SLC2A12: variants seen among roughly 807,000 people sequenced by gnomAD.
SLC2A12 encodes the protein solute carrier family 2, facilitated glucose transporter member 12.
In SLC2A12, 23 loss-of-function variants were observed where a neutral mutation model predicts 41.8. That is an observed-to-expected ratio of 0.55 (90% CI 0.40 to 0.78). The LOEUF is 0.78. Ranked by LOEUF, SLC2A12 falls within the 30% of genes least tolerant of loss-of-function variation. The pLI is 0.00. For missense variants in SLC2A12, 654 were observed against 745.6 expected, an observed-to-expected ratio of 0.88 and a Z score of 1.43; for synonymous variants, 295 against 285.9, an observed-to-expected ratio of 1.03 and a Z score of -0.32.
At chr6:134,034,481 C>T (rs1777265463) in intron 1 of SLC2A12, among the ~76,000 whole-genome samples, 1 of 152,174 alleles carries the variant, frequency 6.6e-6, no homozygotes, top group Non-Finnish European at 1.5e-5. Context: ...GATTGTGACT[C>T]TGATACTTCA....
At chr6:134,016,136 T>C (rs1776958837) in intron 2 of SLC2A12, among the ~76,000 whole-genome samples, 1 of 152,156 alleles carries the variant, frequency 6.6e-6, no homozygotes, top group African/African-American at 2.4e-5. Flanking sequence ...CTCTAGGCTG[T>C]CTTTCCAAGG....
intron 3 of SLC2A12, among the ~76,000 whole-genome samples, chr6:134,004,242 C>T (rs1047041872): frequency 3.3e-5 from 5 of 151,988 alleles, no homozygotes; most frequent in South Asian, 2.1e-4. Context: ...GTGTTGAGTA[C>T]GTGTGTGCAC....
chr6:134,031,098 A>G lies in SLC2A12; in HGVS notation c.104-1377T>C, dbSNP rs1373425943. Reference sequence around the variant, plus strand: ...ACTTATTTTGGAGCTAAAAACCACTACACTTGTTCAGGGCTGGATGTGGTG... The same window carrying G: ...ACTTATTTTGGAGCTAAAAACCACTGCACTTGTTCAGGGCTGGATGTGGTG... On this transcript the variant is annotated intron_variant, in intron 1 of 4. Transcript: ENST00000275230. 6.6e-5 allele frequency among the ~76,000 whole-genome samples: 10 copies of G among 152,154 alleles called. No individual in the cohort carries two copies. In the East Asian group the frequency reaches 1.7e-3, roughly 26 times the overall value.
chr6:134,008,135 G>A (rs1226153954), intron 2 of SLC2A12, among the ~76,000 whole-genome samples: 1 of 152,164 alleles, frequency 6.6e-6, no homozygotes, highest in Admixed American at 6.5e-5. Context: ...CCAGAAGAGG[G>A]GATGGGAAGA....
At chr6:134,030,128 A>G (rs1777183202) in intron 1 of SLC2A12, among the ~76,000 whole-genome samples, 1 of 152,194 alleles carries the variant, frequency 6.6e-6, no homozygotes, top group African/African-American at 2.4e-5. Flanking sequence ...CTCTAAAGGC[A>G]AATCTTTGAG....
chr6:134,042,123 A>G (rs1042763929), intron 1 of SLC2A12, among the ~76,000 whole-genome samples: 10 of 152,246 alleles, frequency 6.6e-5, no homozygotes, highest in African/African-American at 2.4e-4. Context: ...CTCTCACTCT[A>G]TATTTTCTAA....
intron 2 of SLC2A12, among the ~76,000 whole-genome samples, chr6:134,011,276 G>A (rs1426617057): frequency 1.3e-5 from 2 of 152,158 alleles, no homozygotes; most frequent in Non-Finnish European, 2.9e-5. Flanking sequence ...CCAAGCAGAT[G>A]TTTAAATTCT....
intron 1 of SLC2A12, among the ~76,000 whole-genome samples, chr6:134,037,772 T>G (rs1777324147): frequency 6.6e-6 from 1 of 152,162 alleles, no homozygotes; most frequent in African/African-American, 2.4e-5. Flanking sequence ...AGCAGGAGTG[T>G]CTGTATCATG....
intron 1 of SLC2A12, among the ~76,000 whole-genome samples, chr6:134,044,192 T>C (rs531120426): frequency 6.6e-6 from 1 of 152,090 alleles, no homozygotes; most frequent in Non-Finnish European, 1.5e-5. Context: ...TTACACATAA[T>C]ACATGTATAA....
chr6:134,037,673 C>T (rs1284778674), intron 1 of SLC2A12, among the ~76,000 whole-genome samples: 3 of 152,112 alleles, frequency 2.0e-5, no homozygotes, highest in Non-Finnish European at 4.4e-5. Flanking sequence ...TCTCCCTTCT[C>T]TCTCTTGCCT....
At position 134,050,019 on chromosome 6, in the gene SLC2A12, TA is replaced by T. The variant is rs1773651408; in HGVS notation, c.103+2358del. The stretch of plus-strand genomic sequence containing the variant: ...CATAATTTAAATACTCTGAATGTCT[TA>T]AATGAAAACTATGGAAGTTGAAAAT... On this transcript the variant is annotated intron_variant, in intron 1 of 4. Coordinates refer to ENST00000275230, the MANE Select transcript of SLC2A12 (RefSeq NM_145176.3). 1.3e-5 allele frequency among the ~76,000 whole-genome samples: 2 copies of T among 152,196 alleles called. 1 individual carries two copies. Among genetic ancestry groups the T allele is most frequent in the African/African-American group, 4.8e-5 (2 of 41,466 alleles).
intron 2 of SLC2A12, among the ~76,000 whole-genome samples, chr6:134,027,110 T>C (rs1025304845): frequency 2.0e-5 from 3 of 152,252 alleles, no homozygotes; most frequent in Admixed American, 2.0e-4. Flanking sequence ...TCCATTCACC[T>C]ACAATCTCCC....
At chr6:134,025,215 C>A (rs1294089453) in intron 2 of SLC2A12, among the ~76,000 whole-genome samples, 1 of 152,128 alleles carries the variant, frequency 6.6e-6, no homozygotes, top group Non-Finnish European at 1.5e-5. Flanking sequence ...TTAACATTTA[C>A]CCTTAAGATC....
chr6:134,000,693 G>T (rs1423670148), intron 4 of SLC2A12, among the ~76,000 whole-genome samples: 2 of 152,070 alleles, frequency 1.3e-5, no homozygotes, highest in East Asian at 3.8e-4. Flanking sequence ...CATGGTTTTG[G>T]CAATTAGAGC....
chr6:134,007,278 G>C (rs1436121190), intron 2 of SLC2A12, among the ~76,000 whole-genome samples: 1 of 152,250 alleles, frequency 6.6e-6, no homozygotes, highest in Admixed American at 6.5e-5. Context: ...AGCCAGCTCT[G>C]GACATCTGCC....
intron 1 of SLC2A12, among the ~76,000 whole-genome samples, chr6:134,039,126 T>G (rs1777346458): frequency 6.6e-6 from 1 of 152,256 alleles, no homozygotes; most frequent in Admixed American, 6.5e-5. Flanking sequence ...TCTAATATTT[T>G]TGTCTATTTG....
At chr6:134,014,373 A>G (rs1320534442) in intron 2 of SLC2A12, among the ~76,000 whole-genome samples, 1 of 152,110 alleles carries the variant, frequency 6.6e-6, no homozygotes, top group Non-Finnish European at 1.5e-5. Flanking sequence ...GGTCCAGTCC[A>G]TGGTCCAGGA....
chr6:134,006,840 G>A lies in SLC2A12; in HGVS notation c.1539C>T (p.Leu513=). 2 of 1,614,182 alleles carry A rather than the reference G, an allele frequency of 1.2e-6. No individual in the cohort carries two copies. Among genetic ancestry groups the A allele is most frequent in the Non-Finnish European group, 1.7e-6 (2 of 1,180,024 alleles). The change falls in exon 3 of 5, where the codon CTC becomes CTT. Residue 513 remains leucine (L), a synonymous_variant. Transcript: ENST00000275230. ...TSSMNWGINL[L]ISLTFLTVTD... is the part of the protein sequence containing the mutation. The stretch of plus-strand genomic sequence containing the variant: ...TTACAGTCAAAAATGTCAGCGAGAT[G>A]AGGAGATTGATGCCCCAGTTCATGC...
chr6:134,017,160 T>C (rs908662924), intron 2 of SLC2A12, among the ~76,000 whole-genome samples: 1 of 152,208 alleles, frequency 6.6e-6, no homozygotes, highest in African/African-American at 2.4e-5. Context: ...TTTTTTTAAA[T>C]GGCCTTCATT....
Sources: allele counts gnomAD v4.1 joint callset (sites outside exome capture counted in the v4.1 genomes callset), GRCh38; gene constraint gnomAD v4.1.1; transcripts MANE v1.5; gene names NCBI Gene and HGNC (gene_info 2026-07-23, HGNC 2026-07-21).